ADAT3: variants seen among roughly 807,000 people sequenced by gnomAD.
ADAT3 encodes the protein adenosine deaminase tRNA specific 3.
In ADAT3, 2 loss-of-function variants were observed where a neutral mutation model predicts 3.5. The observed-to-expected ratio is 0.57, with a 90% confidence interval of 0.23 to 1.79. ADAT3 has a LOEUF of 1.79. Among genes scored for constraint, ADAT3 ranks in the 40% most tolerant of loss-of-function variants. The pLI is 0.18. For synonymous variants in ADAT3, 358 were observed against 270.3 expected, an observed-to-expected ratio of 1.32 and a Z score of -3.18; for missense variants, 735 against 571.4, an observed-to-expected ratio of 1.29 and a Z score of -2.92.
intron 1 of ADAT3, chr19:1,906,972 G>C (rs968373410): frequency 6.6e-6 from 1 of 151,902 alleles, no homozygotes; most frequent in Non-Finnish European, 1.5e-5. Flanking sequence ...TATATCACAA[G>C]GTCAGGAGTT....
In ADAT3 at chr19:1,908,295, G is replaced by A. The variant is rs1027534434; in HGVS notation, c.-159+2856G>A. On this transcript the variant is annotated intron_variant, in intron 1 of 1. Transcript: ENST00000329478. This position sits in a 1 kb window ranked among gnomAD's most constrained non-coding sequence, Gnocchi z 4.2. Reference sequence around the variant, plus strand: ...TCTCCGGTTCTGTGCTTTGTTGAACGCGTGAGCTTCGGGCAGCGCTGGGGC... The same window carrying A: ...TCTCCGGTTCTGTGCTTTGTTGAACACGTGAGCTTCGGGCAGCGCTGGGGC... 1 of 325,308 alleles carries A rather than the reference G, an allele frequency of 3.1e-6. No individual in the cohort carries two copies. The highest frequency in any genetic ancestry group is 6.1e-6 in the Non-Finnish European group (1 of 163,970). The allele number at this position is 325,308 out of a possible 1,614,324, so 20.2% of individuals were successfully genotyped here.
rs1340258810 is a variant in ADAT3 at position 1,908,949 on chromosome 19, AC to A, written c.-158-2940del. ...GTGGAACCCCGTCTCTACTGAAAAT[AC>A]AAAAATTAGCCGGGCGTGGTGGCAT... On this transcript the variant is annotated intron_variant, in intron 1 of 1. Coordinates refer to ENST00000329478, the MANE Select transcript of ADAT3 (RefSeq NM_138422.4). The surrounding 1 kb of genome is among the most constrained non-coding windows in gnomAD (Gnocchi z 4.2). Among the ~76,000 whole-genome samples, 4 of 152,206 alleles carry A rather than the reference AC, an allele frequency of 2.6e-5. No homozygotes were observed. The highest frequency in any genetic ancestry group is 1.9e-4 in the East Asian group (1 of 5,178).
chr19:1,910,150 A>G (rs796947195), intron 1 of ADAT3, among the ~76,000 whole-genome samples: 21 of 152,242 alleles, frequency 1.4e-4, no homozygotes, highest in African/African-American at 5.1e-4. Context: ...CCTGAATGTG[A>G]CATGGCTGGC....
chr19:1,913,235 A>G lies in ADAT3; in HGVS notation c.*84A>G, dbSNP rs1294282618. On this transcript the variant is annotated 3_prime_UTR_variant, in exon 2 of 2. Transcript: ENST00000329478. Reference sequence around the variant, plus strand: ...ACTTCCGGGCCTCGATTTCTTCCGCACAAGCCTGACCGTGGATTTCAGGGA... The same window carrying G: ...ACTTCCGGGCCTCGATTTCTTCCGCGCAAGCCTGACCGTGGATTTCAGGGA... The G allele has an allele frequency of 2.1e-6, 3 of 1,446,898 alleles. No homozygotes were observed. The highest frequency in any genetic ancestry group is 2.9e-5 in the African/African-American group (2 of 69,680). The allele number at this position is 1,446,898 out of a possible 1,614,324, so 89.6% of individuals were successfully genotyped here.
chr19:1,912,955 C>G lies in ADAT3; in HGVS notation c.908C>G (p.Thr303Ser). Residue 303 changes from threonine (T) to serine (S), a missense_variant, in exon 2 of 2, where the codon ACC becomes AGC. Coordinates refer to ENST00000329478, the MANE Select transcript of ADAT3 (RefSeq NM_138422.4). ...YLCTGYDLYV[T>S]REPCAMCAMA... ...TGCACTGGCTACGACCTGTACGTGA[C>G]CCGCGAGCCCTGCGCCATGTGCGCC... is the stretch of plus-strand genomic sequence containing the variant. The G allele has an allele frequency of 1.2e-6, 2 of 1,610,284 alleles. No individual in the cohort carries two copies. Among genetic ancestry groups the G allele is most frequent in the Non-Finnish European group, 1.7e-6 (2 of 1,179,364 alleles).
rs1029088567 is a variant in ADAT3, at chr19:1,912,575, G to C, written c.528G>C (p.Leu176=). The C allele has an allele frequency of 2.9e-5, 43 of 1,497,008 alleles. No individual in the cohort carries two copies. The highest frequency in any genetic ancestry group is 3.7e-5 in the Non-Finnish European group (42 of 1,130,034). 92.7% of individuals were successfully genotyped at this position (1,497,008 alleles called of 1,614,324 possible). The change falls in exon 2 of 2, where the codon CTG becomes CTC. Residue 176 remains leucine, a synonymous_variant. Transcript: ENST00000329478. ...FHEDKQVTSA[L]AGRLFSTQER... ...AGGACAAGCAGGTGACCAGCGCCCT[G>C]GCTGGGCGGCTCTTCTCCACGCAGG...
Position 1,908,497 on chromosome 19 carries a change from CGTCCATACCAGCGGGGATGTGTA to C in ADAT3, c.-159+3064_-159+3086del. ...ACACATCCCTGTCTGCGGGAGGAGC[CGTCCATACCAGCGGGGATGTGTA>C]GTCCAGGCTGGCAGTTCAGGATCAC... On this transcript the variant is annotated intron_variant, in intron 1 of 1. Coordinates refer to ENST00000329478, the MANE Select transcript of ADAT3 (RefSeq NM_138422.4). The surrounding 1 kb of genome is among the most constrained non-coding windows in gnomAD (Gnocchi z 4.2). The C allele has an allele frequency of 2.1e-6, 1 of 470,974 alleles. No individual in the cohort carries two copies. The highest frequency in any genetic ancestry group is 1.5e-5 in the South Asian group (1 of 64,558). 29.2% of individuals were successfully genotyped at this position (470,974 alleles called of 1,614,324 possible).
Position 1,911,984 on chromosome 19 carries a change from T to C in ADAT3, c.-64T>C, listed in dbSNP as rs2013475349. ...AGCTTTGGTGGCAGCACGCCCTGCC[T>C]TGTGGAGCCACGGCCTCCCGGGACG... is the stretch of plus-strand genomic sequence containing the variant. On this transcript the variant is annotated 5_prime_UTR_variant, in exon 2 of 2. Coordinates refer to ENST00000329478, the MANE Select transcript of ADAT3 (RefSeq NM_138422.4). 2 of 1,411,962 alleles carry C rather than the reference T, an allele frequency of 1.4e-6. No homozygotes were observed. Among genetic ancestry groups the C allele is most frequent in the Non-Finnish European group, 1.8e-6 (2 of 1,089,946 alleles). The allele number at this position is 1,411,962 out of a possible 1,614,324, so 87.5% of individuals were successfully genotyped here. A position where few individuals can be genotyped will look rare whatever the true frequency, so the allele number is the denominator to read the frequency against.
chr19:1,913,239 G>A lies in ADAT3; in HGVS notation c.*88G>A, dbSNP rs372537473. 1.4e-6 allele frequency: 2 copies of A among 1,442,874 alleles called. No individual in the cohort carries two copies. The highest frequency in any genetic ancestry group is 2.5e-5 in the East Asian group (1 of 39,520). The allele number at this position is 1,442,874 out of a possible 1,614,324, so 89.4% of individuals were successfully genotyped here. On this transcript the variant is annotated 3_prime_UTR_variant, in exon 2 of 2. Coordinates refer to ENST00000329478, the MANE Select transcript of ADAT3 (RefSeq NM_138422.4). ...CCGGGCCTCGATTTCTTCCGCACAA[G>A]CCTGACCGTGGATTTCAGGGACACA...
rs981075909 is a variant in ADAT3 at position 1,908,793 on chromosome 19, C to A, written c.-158-3097C>A. On this transcript the variant is annotated intron_variant, in intron 1 of 1. Transcript: ENST00000329478. This position sits in a 1 kb window ranked among gnomAD's most constrained non-coding sequence, Gnocchi z 4.2. Reference sequence around the variant, plus strand: ...GGACTACATGTGCACACCACCGTGCCCAACTAATTTATACTTTTAAGCAAT... The same window carrying A: ...GGACTACATGTGCACACCACCGTGCACAACTAATTTATACTTTTAAGCAAT... 6.6e-6 allele frequency among the ~76,000 whole-genome samples: 1 copy of A among 152,122 alleles called. No homozygotes were observed. The highest frequency in any genetic ancestry group is 6.6e-5 in the Admixed American group (1 of 15,262).
At position 1,912,174 on chromosome 19, in the gene ADAT3, C is replaced by A; in HGVS notation, c.127C>A (p.Gln43Lys). The stretch of plus-strand genomic sequence containing the variant: ...CCCGGAGCCTGAGCCGGCGCCGTGG[C>A]AGGCCCTCCCTGTCCTGTCCGAGAA... The part of the protein sequence containing the change: ...GSPEPEPAPW[Q>K]ALPVLSEKQS... Residue 43 changes from glutamine (Q) to lysine (K), a missense_variant, in exon 2 of 2, where the codon CAG becomes AAG. Physicochemically the swap from Gln to Lys is moderately conservative, Grantham distance 53. Coordinates refer to ENST00000329478, the MANE Select transcript of ADAT3 (RefSeq NM_138422.4). 1 of 1,577,150 alleles carries A rather than the reference C, an allele frequency of 6.3e-7. No individual in the cohort carries two copies. Among genetic ancestry groups the A allele is most frequent in the Admixed American group, 1.8e-5 (1 of 55,040 alleles).
In ADAT3 at chr19:1,913,361, C is replaced by T; in HGVS notation, c.*210C>T. On this transcript the variant is annotated 3_prime_UTR_variant, in exon 2 of 2. Transcript: ENST00000329478. ...GCCACCCCGTGCCAGCGGTGCCCTT[C>T]TGCGGCCGCCCTTGCTGCGTTTGTG... is the stretch of plus-strand genomic sequence containing the variant. 2 of 707,082 alleles carry T rather than the reference C, an allele frequency of 2.8e-6. No individual in the cohort carries two copies. Among genetic ancestry groups the T allele is most frequent in the Non-Finnish European group, 4.6e-6 (2 of 432,562 alleles). The allele number at this position is 707,082 out of a possible 1,614,324, so 43.8% of individuals were successfully genotyped here. A position where few individuals can be genotyped will look rare whatever the true frequency, so the allele number is the denominator to read the frequency against.
intron 1 of ADAT3, among the ~76,000 whole-genome samples, chr19:1,909,899 C>T (rs948574220): frequency 5.9e-5 from 9 of 152,200 alleles, no homozygotes; most frequent in Non-Finnish European, 1.0e-4. Flanking sequence ...CCGGGGCTTA[C>T]GTTTCGTGGC....
intron 1 of ADAT3, 198 bp downstream of exon 1, chr19:1,905,637 C>G (rs1263617581): frequency 6.3e-6 from 1 of 158,690 alleles, no homozygotes; most frequent in Non-Finnish European, 1.4e-5. Context: ...TGCGCGTGCG[C>G]GCGCGCGCGC....
Position 1,905,430 on chromosome 19 carries a change from G to A in ADAT3, c.-168G>A. 1 of 463,874 alleles carries A rather than the reference G, an allele frequency of 2.2e-6. No individual in the cohort carries two copies. The highest frequency in any genetic ancestry group is 4.5e-6 in the Non-Finnish European group (1 of 223,932). The allele number at this position is 463,874 out of a possible 1,614,324, so 28.7% of individuals were successfully genotyped here. A position where few individuals can be genotyped will look rare whatever the true frequency, so the allele number is the denominator to read the frequency against. Reference sequence around the variant, plus strand: ...TGGCGAAGCGCTGCGCTCGCGCCCGGATCCCTCAGGTAAGCGCGCGGCCCC... The same window carrying A: ...TGGCGAAGCGCTGCGCTCGCGCCCGAATCCCTCAGGTAAGCGCGCGGCCCC... On this transcript the variant is annotated 5_prime_UTR_variant, in exon 1 of 2. Transcript: ENST00000329478.
rs1467331543 is a variant in ADAT3, at chr19:1,912,329, G to A, written c.282G>A (p.Val94=). Residue 94 remains valine, a synonymous_variant, in exon 2 of 2, where the codon GTG becomes GTA. Transcript: ENST00000329478. The part of the protein sequence containing the change: ...PLPAQPHLKR[V]RPSRDAGSPH... The stretch of plus-strand genomic sequence containing the variant: ...CCGCCCAGCCTCACCTCAAGCGGGT[G>A]CGGCCCAGCCGCGATGCCGGCAGCC... The A allele has an allele frequency of 1.3e-6, 2 of 1,538,076 alleles. No individual in the cohort carries two copies. The highest frequency in any genetic ancestry group is 1.4e-5 in the African/African-American group (1 of 70,524).
At chr19:1,911,088 G>T (rs2013419692) in intron 1 of ADAT3, among the ~76,000 whole-genome samples, 1 of 152,050 alleles carries the variant, frequency 6.6e-6, no homozygotes, top group Admixed American at 6.6e-5. Context: ...TGTTAGCCAG[G>T]ATGGTCTTGA....
In ADAT3 at chr19:1,913,094, C is replaced by T; in HGVS notation, c.1047C>T (p.Phe349=). 2 of 1,599,086 alleles carry T rather than the reference C, an allele frequency of 1.3e-6. No individual in the cohort carries two copies. The highest frequency in any genetic ancestry group is 1.7e-5 in the Admixed American group (1 of 59,246). Residue 349 remains phenylalanine, a synonymous_variant, in exon 2 of 2, where the codon TTC becomes TTT. Transcript: ENST00000329478. ...CACGGCCCGACCTCAACCACCGCTT[C>T]CAGGTGTTCCGCGGGGTGCTGGAGG... ...IHARPDLNHR[F]QVFRGVLEEQ...
intron 1 of ADAT3, among the ~76,000 whole-genome samples, chr19:1,910,396 A>G (rs1246489111): frequency 6.6e-6 from 1 of 152,118 alleles, no homozygotes; most frequent in East Asian, 1.9e-4. Context: ...GCTTCTGGAG[A>G]TGCAGAGATC....
Sources: gnomAD v4.1 joint callset for allele counts (sites outside exome capture counted in the v4.1 genomes callset) on GRCh38, gnomAD v4.1.1 for gene constraint, Gnocchi (gnomAD v3.1) non-coding constraint, MANE v1.5 for transcripts, NCBI Gene and HGNC (gene_info 2026-07-23, HGNC 2026-07-21) for gene names.